RSPRY1: variants seen among roughly 807,000 people sequenced by gnomAD.
The protein encoded by RSPRY1 is ring finger and SPRY domain containing 1.
A neutral mutation model predicts 73.1 loss-of-function variants in RSPRY1; 23 were observed. The ratio of observed to expected loss-of-function variants is 0.31; its 90% CI spans 0.23 to 0.45. The LOEUF (loss-of-function observed/expected upper bound fraction) is 0.45, where lower values mean the gene tolerates loss of function less well. RSPRY1 is among the 20% of genes least tolerant of loss of function. The probability of loss-of-function intolerance (pLI) is 1.00; values close to 1 mark genes in which losing one functional copy is unlikely to be tolerated. For synonymous variants in RSPRY1, 226 were observed against 251.4 expected (o/e 0.90, Z 0.95); for missense variants, 448 against 698.7 (o/e 0.64, Z 4.05).
intron 1 of RSPRY1, among the ~76,000 whole-genome samples, chr16:57,201,630 C>T (rs1331629752): frequency 5.3e-5 from 8 of 150,952 alleles, no homozygotes; most frequent in Admixed American, 2.0e-4. Flanking sequence ...GAGGTTGTAT[C>T]GAGCCGAGAT....
At chr16:57,231,356 A>T in intron 13 of RSPRY1, 37 bp downstream of exon 13, 10 of 1,554,310 alleles carry the variant, frequency 6.4e-6, no homozygotes, top group Non-Finnish European at 8.7e-6. Flanking sequence ...AGACTTTCAC[A>T]TGAATCTTAT....
At chr16:57,196,363 A>G (rs1296542529) in intron 1 of RSPRY1, among the ~76,000 whole-genome samples, 1 of 152,190 alleles carries the variant, frequency 6.6e-6, no homozygotes, top group Non-Finnish European at 1.5e-5. Context: ...CCAAGAAGAA[A>G]TGCCCTTTAG....
In RSPRY1 at chr16:57,216,125, A is replaced by G. The variant is rs2074936330; in HGVS notation, c.721A>G (p.Thr241Ala). The change falls in exon 7 of 15, where the codon ACA (threonine) becomes GCA (alanine). Residue 241 changes from threonine (T) to alanine (A), a missense_variant. Coordinates refer to ENST00000394420, the MANE Select transcript of RSPRY1 (RefSeq NM_133368.3). ...TTTTCAGAAGTTACAGTCCCACCCC[A>G]CAGTCATGCTTTTTGCACTTATCGC... ...LQCLKLQSHP[T>A]VMLFALIALE... 1 of 1,605,620 alleles carries G rather than the reference A, an allele frequency of 6.2e-7. No individual in the cohort carries two copies. The highest frequency in any genetic ancestry group is 1.7e-5 in the Admixed American group (1 of 59,152).
intron 1 of RSPRY1, among the ~76,000 whole-genome samples, chr16:57,189,538 A>C (rs2074314599): frequency 6.7e-6 from 1 of 150,250 alleles, no homozygotes; most frequent in Non-Finnish European, 1.5e-5. Context: ...TCAAGAGTTT[A>C]ACAAACAATT....
chr16:57,192,354 A>G (rs531443399), intron 1 of RSPRY1, among the ~76,000 whole-genome samples: 1 of 152,296 alleles, frequency 6.6e-6, no homozygotes, highest in Admixed American at 6.5e-5. Flanking sequence ...CACAAGTACT[A>G]CGGAATATTA....
chr16:57,221,560 C>T, intron 10 of RSPRY1, 145 bp downstream of exon 10: 18 of 773,062 alleles, frequency 2.3e-5, no homozygotes, highest in Non-Finnish European at 3.6e-5. Context: ...AGGTCCCTAA[C>T]AATGATCTAC....
rs1483924995 is a variant in RSPRY1 at position 57,211,306 on chromosome 16, A to G, written c.517-1666A>G. On this transcript the variant is annotated intron_variant, in intron 4 of 14. Coordinates refer to ENST00000394420, the MANE Select transcript of RSPRY1 (RefSeq NM_133368.3). ...AAAAGAAAGCCAGGCACGGTGGCTCATGCCTGTAATCCCAACACTTTGGGA... is the reference window on the plus strand; with the variant it reads ...AAAAGAAAGCCAGGCACGGTGGCTCGTGCCTGTAATCCCAACACTTTGGGA... Among the ~76,000 whole-genome samples, 4 of 151,322 alleles carry G rather than the reference A, an allele frequency of 2.6e-5. No individual in the cohort carries two copies. The East Asian group carries it at 7.8e-4, about 29-fold the overall frequency.
intron 6 of RSPRY1, 80 bp downstream of exon 6, chr16:57,214,026 C>A: frequency 1.1e-6 from 1 of 936,522 alleles, no homozygotes; most frequent in Non-Finnish European, 1.7e-6. Context: ...TCTCAAATTG[C>A]TGGCATAGCC....
intron 1 of RSPRY1, chr16:57,186,976 A>G (rs2074217654): frequency 6.6e-6 from 1 of 152,196 alleles, no homozygotes; most frequent in South Asian, 2.1e-4. Flanking sequence ...CTTGGGATAG[A>G]GAGAGAATGG....
intron 13 of RSPRY1, 43 bp from the exon 14 acceptor site, chr16:57,235,081 C>T: frequency 7.3e-7 from 1 of 1,373,188 alleles, no homozygotes; most frequent in East Asian, 2.3e-5. Context: ...GCTAACAGGA[C>T]CCCTGTTGAC....
At chr16:57,202,647 A>G (rs906913763) in intron 1 of RSPRY1, among the ~76,000 whole-genome samples, 16 of 152,064 alleles carry the variant, frequency 1.1e-4, no homozygotes, top group Admixed American at 1.0e-3. Context: ...CTTCAGTCAC[A>G]TCCTTTTCAG....
chr16:57,200,816 G>T lies in RSPRY1; in HGVS notation c.-155-3688G>T, dbSNP rs1481902731. 6.8e-4 allele frequency among the ~76,000 whole-genome samples: 97 copies of T among 142,440 alleles called. 4 individuals are homozygous for T. Among genetic ancestry groups the T allele is most frequent in the Non-Finnish European group, 1.2e-3 (79 of 64,500 alleles). The allele number at this position is 142,440 out of a possible 152,430, so 93.4% of individuals were successfully genotyped here. On this transcript the variant is annotated intron_variant, in intron 1 of 14. Coordinates refer to ENST00000394420, the MANE Select transcript of RSPRY1 (RefSeq NM_133368.3). ...GGCCCCCCCCACATCCTTCCCGGACGGGGCGGCTGGCTGGGCAGAGGCGCC... is the reference window on the plus strand; with the variant it reads ...GGCCCCCCCCACATCCTTCCCGGACTGGGCGGCTGGCTGGGCAGAGGCGCC...
chr16:57,217,924 G>A (rs2074967029), intron 8 of RSPRY1, among the ~76,000 whole-genome samples: 1 of 152,170 alleles, frequency 6.6e-6, no homozygotes, highest in Non-Finnish European at 1.5e-5. Context: ...AGTGCAATTT[G>A]GATTTTGTTC....
chr16:57,227,309 C>A (rs1461649223), intron 10 of RSPRY1, 33 bp from the exon 11 acceptor site: 1 of 1,470,480 alleles, frequency 6.8e-7, no homozygotes, highest in Non-Finnish European at 9.5e-7. Flanking sequence ...AGCAGGCAGA[C>A]TTGCTAATCT....
chr16:57,232,646 A>C (rs1402551088), intron 13 of RSPRY1, among the ~76,000 whole-genome samples: 3 of 152,190 alleles, frequency 2.0e-5, no homozygotes, highest in African/African-American at 7.2e-5. Context: ...TCCCATGGGG[A>C]CTGGACATAG....
At chr16:57,209,738 A>T (rs1211262737) in intron 4 of RSPRY1, among the ~76,000 whole-genome samples, 1 of 152,096 alleles carries the variant, frequency 6.6e-6, no homozygotes, top group Non-Finnish European at 1.5e-5. Flanking sequence ...CAGTAGAGCA[A>T]TCACAGCTCA....
Position 57,230,721 on chromosome 16 carries a change from A to G in RSPRY1, c.1284A>G (p.Val428=). ...CTCTTTATCCTCTAGGAGATACAGT[A>G]GGATTTCTGTTAGACTTGAATGAAA... ...IHPCWKEGDT[V]GFLLDLNEKQ... Residue 428 remains valine (V), a synonymous_variant, in exon 12 of 15, where the codon GTA becomes GTG. Transcript: ENST00000394420. 6.3e-7 allele frequency: 1 copy of G among 1,582,326 alleles called. No homozygotes were observed. The highest frequency in any genetic ancestry group is 8.7e-7 in the Non-Finnish European group (1 of 1,152,450).
At chr16:57,225,668 T>C (rs1236843015) in intron 10 of RSPRY1, among the ~76,000 whole-genome samples, 1 of 152,226 alleles carries the variant, frequency 6.6e-6, no homozygotes, top group African/African-American at 2.4e-5. Context: ...AAGATAGCAG[T>C]TGTCTGATTT....
rs375010908 is a variant in RSPRY1, at chr16:57,193,779, A to G, written c.-156+7328A>G. On this transcript the variant is annotated intron_variant, in intron 1 of 14. Coordinates refer to ENST00000394420, the MANE Select transcript of RSPRY1 (RefSeq NM_133368.3). The stretch of plus-strand genomic sequence containing the variant: ...ACGTTACTGTGCTTAAGATTTGCAC[A>G]TTTCAGCCGGGTGCGGTGGCTCACG... Among the ~76,000 whole-genome samples the G allele has an allele frequency of 3.9e-5, 6 of 152,338 alleles. No homozygotes were observed. The East Asian group carries it at 7.7e-4, about 20-fold the overall frequency.
Sources: allele counts gnomAD v4.1 joint callset (sites outside exome capture counted in the v4.1 genomes callset), GRCh38; gene constraint gnomAD v4.1.1; transcripts MANE v1.5; gene names NCBI Gene and HGNC (gene_info 2026-07-23, HGNC 2026-07-21).